SEMA6D: variants seen among roughly 807,000 people sequenced by gnomAD.
SEMA6D encodes semaphorin-6D.
A neutral mutation model predicts 106.6 loss-of-function variants in SEMA6D; 35 were observed. The ratio of observed to expected loss-of-function variants is 0.33; its 90% CI spans 0.25 to 0.44. The LOEUF (loss-of-function observed/expected upper bound fraction) is 0.44. Among genes scored for constraint, SEMA6D ranks in the 20% least tolerant of loss-of-function variants. SEMA6D has a pLI of 1.00. For synonymous variants in SEMA6D, 499 were observed against 487.7 expected (o/e 1.02, Z -0.31); for missense variants, 1,185 against 1,345.9 (o/e 0.88, Z 1.87).
chr15:47,302,038 C>T (rs2036044450), intron 1 of SEMA6D, among the ~76,000 whole-genome samples: 1 of 152,106 alleles, frequency 6.6e-6, no homozygotes, highest in Non-Finnish European at 1.5e-5. Flanking sequence ...CAAGTAAATG[C>T]TGAATATGCA....
intron 2 of SEMA6D, among the ~76,000 whole-genome samples, chr15:47,464,745 T>C (rs1428266124): frequency 1.3e-5 from 2 of 152,152 alleles, no homozygotes; most frequent in Non-Finnish European, 2.9e-5. Flanking sequence ...TCTAACCTTT[T>C]AATTTAAATA....
At chr15:47,284,122 G>T (rs745603995) in intron 1 of SEMA6D, among the ~76,000 whole-genome samples, 6 of 152,102 alleles carry the variant, frequency 3.9e-5, no homozygotes, top group Non-Finnish European at 8.8e-5. Context: ...ATTCAGGAAG[G>T]TTCAGACAGG....
chr15:47,350,182 C>T (rs934746348), intron 1 of SEMA6D, among the ~76,000 whole-genome samples: 1 of 54,050 alleles, frequency 1.9e-5, no homozygotes, highest in Non-Finnish European at 7.7e-5. Flanking sequence ...AATTTAACTG[C>T]TCTTAGATTA....
chr15:47,754,953 A>ATTTT (rs11435743), intron 1 of SEMA6D, among the ~76,000 whole-genome samples: 2 of 136,376 alleles, frequency 1.5e-5, no homozygotes, highest in African/African-American at 5.4e-5. Flanking sequence ...TTTGTTGTTG[A>ATTTT]TTTTTTTTTT....
At chr15:47,562,920 G>A (rs548690688) in intron 3 of SEMA6D, among the ~76,000 whole-genome samples, 1 of 152,166 alleles carries the variant, frequency 6.6e-6, no homozygotes, top group Non-Finnish European at 1.5e-5. Flanking sequence ...CCAAAGATTG[G>A]AAACTACCCA....
At chr15:47,314,114 G>T (rs1327069574) in intron 1 of SEMA6D, among the ~76,000 whole-genome samples, 1 of 152,054 alleles carries the variant, frequency 6.6e-6, no homozygotes, top group East Asian at 1.9e-4. Flanking sequence ...TGTTTTTAGT[G>T]TTCCAGATTT....
intron 4 of SEMA6D, among the ~76,000 whole-genome samples, chr15:47,612,282 A>C (rs1356261435): frequency 1.3e-5 from 2 of 152,212 alleles, no homozygotes; most frequent in Admixed American, 6.5e-5. Context: ...CTAAGGGCTC[A>C]TGGTGACTAA....
chr15:47,581,173 T>C (rs948919355), intron 3 of SEMA6D, among the ~76,000 whole-genome samples: 4 of 152,214 alleles, frequency 2.6e-5, no homozygotes, highest in Non-Finnish European at 5.9e-5. Flanking sequence ...ACTTAACATA[T>C]ATAAAACTGT....
At position 47,289,191 on chromosome 15, in the gene SEMA6D, C is replaced by G. The variant is rs573026784; in HGVS notation, c.-239+104773C>G. Among the ~76,000 whole-genome samples the G allele has an allele frequency of 2.6e-5, 4 of 151,868 alleles. No homozygotes were observed. In the East Asian group the frequency reaches 5.9e-4, roughly 22 times the overall value. On this transcript the variant is annotated intron_variant, in intron 1 of 19. Transcript: ENST00000558014. ...CAGGTGAATCACAAGGTCAGGAATT[C>G]GAGACCAGCCTAACCAACATGGTGA...
chr15:47,584,603 T>C (rs1345565038), intron 3 of SEMA6D, among the ~76,000 whole-genome samples: 2 of 152,164 alleles, frequency 1.3e-5, no homozygotes, highest in Non-Finnish European at 2.9e-5. Context: ...CAAGGGATGA[T>C]TGAGGATAAG....
chr15:47,453,123 C>T (rs1416531243), intron 2 of SEMA6D, among the ~76,000 whole-genome samples: 1 of 151,890 alleles, frequency 6.6e-6, no homozygotes, highest in African/African-American at 2.4e-5. Context: ...TGTGCTTTCT[C>T]AACTTTGTTC....
intron 3 of SEMA6D, among the ~76,000 whole-genome samples, chr15:47,548,822 T>A (rs978304011): frequency 6.6e-6 from 1 of 152,198 alleles, no homozygotes; most frequent in Non-Finnish European, 1.5e-5. Flanking sequence ...AATAATGTGT[T>A]TGTTGTAAAC....
At chr15:47,212,364 A>G (rs2030112671) in intron 1 of SEMA6D, among the ~76,000 whole-genome samples, 1 of 152,206 alleles carries the variant, frequency 6.6e-6, no homozygotes, top group South Asian at 2.1e-4. Flanking sequence ...TCAGACAGTA[A>G]GAAAGAGGTT....
At chr15:47,729,188 A>G (rs1323195745) in intron 1 of SEMA6D, among the ~76,000 whole-genome samples, 1 of 152,226 alleles carries the variant, frequency 6.6e-6, no homozygotes, top group Non-Finnish European at 1.5e-5. Context: ...AAATCATAGA[A>G]TGTGAGTGGT....
In SEMA6D at chr15:47,772,665, C is replaced by G. The variant is rs2082681095; in HGVS notation, c.*880C>G. The G allele has an allele frequency of 6.6e-6, 1 of 152,404 alleles. No homozygotes were observed. The highest frequency in any genetic ancestry group is 1.5e-5 in the Non-Finnish European group (1 of 68,004). 9.4% of individuals were successfully genotyped at this position (152,404 alleles called of 1,614,324 possible). A position where few individuals can be genotyped will look rare whatever the true frequency, so the allele number is the denominator to read the frequency against. On this transcript the variant is annotated 3_prime_UTR_variant, in exon 19 of 19. Coordinates refer to ENST00000536845, the MANE Select transcript of SEMA6D (RefSeq NM_001358351.3). ...TCCAGTCTTGCCAGCTTAAGGAGATCAAGATATTAAGAGGTATCCTTGATT... is the reference window on the plus strand; with the variant it reads ...TCCAGTCTTGCCAGCTTAAGGAGATGAAGATATTAAGAGGTATCCTTGATT...
intron 17 of SEMA6D, 41 bp from the exon 18 acceptor site, chr15:47,768,540 T>C: frequency 6.9e-7 from 1 of 1,455,012 alleles, no homozygotes; most frequent in Non-Finnish European, 9.2e-7. Context: ...AAAAAAATCT[T>C]GACACTATCC....
At chr15:47,226,970 A>C (rs539239712) in intron 1 of SEMA6D, among the ~76,000 whole-genome samples, 1 of 152,028 alleles carries the variant, frequency 6.6e-6, no homozygotes, top group African/African-American at 2.4e-5. Context: ...TGGTAAACCT[A>C]TTGGTTCAAT....
At chr15:47,716,685 G>A (rs927793076), upstream of SEMA6D, among the ~76,000 whole-genome samples, 2 of 151,166 alleles carry the variant, frequency 1.3e-5, no homozygotes, top group South Asian at 2.1e-4. Flanking sequence ...CCTTTCATTT[G>A]TGACAGTCAA....
In SEMA6D at chr15:47,771,519, G is replaced by T. The variant is rs777740416; in HGVS notation, c.2956G>T (p.Gly986Cys). The T allele has an allele frequency of 1.9e-6, 3 of 1,614,040 alleles. No individual in the cohort carries two copies. The highest frequency in any genetic ancestry group is 2.7e-5 in the African/African-American group (2 of 75,016). The change falls in exon 19 of 19, where the codon GGT becomes TGT. Residue 986 changes from glycine to cysteine, a missense_variant. This residue lies in a region of SEMA6D where 750 missense variants were observed against 783.5 expected (regional missense o/e 0.96). Coordinates refer to ENST00000536845, the MANE Select transcript of SEMA6D (RefSeq NM_001358351.3). ...AMPKNLNSPN[G>C]VLLSRQPSMN... ...GCCTAAAAACTTAAACTCACCAAAT[G>T]GTGTTTTGTTATCCAGACAGCCTAG...
Sources: allele counts gnomAD v4.1 joint callset (sites outside exome capture counted in the v4.1 genomes callset), GRCh38; gene constraint gnomAD v4.1.1; regional missense constraint gnomAD v4.1.1; transcripts MANE v1.5; gene names NCBI Gene and HGNC (gene_info 2026-07-23, HGNC 2026-07-21).